Variants in PLXNA4 observed in about 807,000 individuals in gnomAD.
PLXNA4 encodes the protein plexin-A4.
In PLXNA4, 44 loss-of-function variants were observed where a neutral mutation model predicts 191.8. That is an observed-to-expected ratio of 0.23 (90% CI 0.18 to 0.29). PLXNA4 has a LOEUF of 0.29. Ranked by LOEUF, PLXNA4 falls within the 10% of genes least tolerant of loss-of-function variation. The probability of loss-of-function intolerance (pLI) is 1.00; values close to 1 mark genes in which losing one functional copy is unlikely to be tolerated. For missense variants in PLXNA4, 1,800 were observed against 2,488.8 expected (o/e 0.72, Z 5.89); for synonymous variants, 1,082 against 1,009.5 (o/e 1.07, Z -1.36).
At chr7:132,625,582 C>A (rs995271489) in intron 2 of PLXNA4, among the ~76,000 whole-genome samples, 12 of 152,144 alleles carry the variant, frequency 7.9e-5, no homozygotes, top group African/African-American at 2.9e-4. Flanking sequence ...GTGTGGAGTC[C>A]TAGGCAGTTA....
chr7:132,562,956 T>TCCCTCCTCCTCTCCCTCCTCCTCC (rs1801334296), intron 1 of PLXNA4, among the ~76,000 whole-genome samples: 1 of 11,610 alleles, frequency 8.6e-5, no homozygotes, highest in Admixed American at 1.0e-3. Context: ...CCTCCTCCTC[T>TCCCTCCTCCTCTCCCTCCTCCTCC]CCCTCCTCCT....
intron 2 of PLXNA4, among the ~76,000 whole-genome samples, chr7:132,490,884 C>T (rs569134355): frequency 6.6e-6 from 1 of 152,244 alleles, no homozygotes; most frequent in East Asian, 1.9e-4. Flanking sequence ...ACTGTATTTC[C>T]AGTGGAATCT....
chr7:132,512,778 C>A (rs1254931106), intron 1 of PLXNA4, among the ~76,000 whole-genome samples: 3 of 152,184 alleles, frequency 2.0e-5, no homozygotes, highest in Non-Finnish European at 4.4e-5. Context: ...GGGGGTTTCC[C>A]TTCCAGGATG....
intron 3 of PLXNA4, among the ~76,000 whole-genome samples, chr7:132,357,928 T>C (rs1046524890): frequency 2.0e-5 from 3 of 152,192 alleles, no homozygotes; most frequent in Non-Finnish European, 2.9e-5. Flanking sequence ...TAGGCCAAAG[T>C]CAGCGAAAGG....
At chr7:132,563,350 T>TCTCCTCCTTCTCCTC (rs1801443319) in intron 1 of PLXNA4, among the ~76,000 whole-genome samples, 2 of 16,312 alleles carry the variant, frequency 1.2e-4, no homozygotes, top group Non-Finnish European at 2.3e-4. Context: ...TCCTCCTCTT[T>TCTCCTCCTTCTCCTC]CTCCTCCTTC....
At chr7:132,414,469 G>A (rs1794582755) in intron 3 of PLXNA4, among the ~76,000 whole-genome samples, 1 of 152,196 alleles carries the variant, frequency 6.6e-6, no homozygotes, top group Non-Finnish European at 1.5e-5. Context: ...AGAGACTGCG[G>A]TAAACCTAAC....
intron 9 of PLXNA4, among the ~76,000 whole-genome samples, chr7:132,212,040 G>A (rs1797819233): frequency 6.6e-6 from 1 of 152,170 alleles, no homozygotes; most frequent in Non-Finnish European, 1.5e-5. Context: ...GCTGATGGAT[G>A]TGGGCAGGCG....
At chr7:132,288,572 C>T (rs976492291) in intron 4 of PLXNA4, among the ~76,000 whole-genome samples, 17 of 152,174 alleles carry the variant, frequency 1.1e-4, no homozygotes, top group African/African-American at 4.1e-4. Flanking sequence ...TTCAAGTTTG[C>T]TCTCCCAGGA....
intron 1 of PLXNA4, among the ~76,000 whole-genome samples, chr7:132,532,135 CAT>C (rs1203845637): frequency 6.6e-6 from 1 of 152,210 alleles, no homozygotes; most frequent in African/African-American, 2.4e-5. Context: ...AGGTTGAAGA[CAT>C]AAAAGACGTT....
intron 13 of PLXNA4, among the ~76,000 whole-genome samples, chr7:132,196,675 A>C (rs913129785): frequency 6.6e-6 from 1 of 152,234 alleles, no homozygotes; most frequent in African/African-American, 2.4e-5. Flanking sequence ...CTTCTAACCC[A>C]CATTTCCAAA....
rs527545652 is a variant in PLXNA4, at chr7:132,448,943, C to A, written c.1371+40349G>T. Among the ~76,000 whole-genome samples, 45 of 152,252 alleles carry A rather than the reference C, an allele frequency of 3.0e-4. No individual in the cohort carries two copies. In the South Asian group the frequency reaches 7.7e-3, roughly 26 times the overall value. On this transcript the variant is annotated intron_variant, in intron 3 of 31. Transcript: ENST00000321063. ...ATTGTACCTTTCATTTCTTATATAA[C>A]CATGGTTGTACCTGGTAAGATATTA...
intron 25 of PLXNA4, among the ~76,000 whole-genome samples, chr7:132,155,550 G>A (rs1040113323): frequency 6.6e-6 from 1 of 152,304 alleles, no homozygotes; most frequent in East Asian, 1.9e-4. Flanking sequence ...GATGCAAACA[G>A]GTACCTACCC....
chr7:132,350,660 A>C (rs145513016), intron 3 of PLXNA4, among the ~76,000 whole-genome samples: 1 of 152,216 alleles, frequency 6.6e-6, no homozygotes, highest in South Asian at 2.1e-4. Flanking sequence ...GAGGGTGTGC[A>C]GCAATTGGAA....
intron 20 of PLXNA4, among the ~76,000 whole-genome samples, chr7:132,176,567 AGTGT>A (rs1244535456): frequency 2.0e-5 from 3 of 151,258 alleles, no homozygotes; most frequent in Admixed American, 6.6e-5. Flanking sequence ...CATGTCAGGG[AGTGT>A]GTGAGTATGA....
chr7:132,154,791 G>C (rs1245562579), intron 25 of PLXNA4, among the ~76,000 whole-genome samples: 2 of 152,206 alleles, frequency 1.3e-5, no homozygotes, highest in Non-Finnish European at 2.9e-5. Flanking sequence ...AAAATTGCTA[G>C]CTCTGACCTC....
chr7:132,393,322 T>C (rs1793599637), intron 3 of PLXNA4, among the ~76,000 whole-genome samples: 1 of 151,064 alleles, frequency 6.6e-6, no homozygotes, highest in African/African-American at 2.4e-5. Flanking sequence ...CATCTGATTA[T>C]CAGCCCAGCA....
rs762297961 is a variant in PLXNA4, at chr7:132,145,213, G to C, written c.5131C>G (p.Leu1711Val). The stretch of plus-strand genomic sequence containing the variant: ...AAGTCAAACATGTACTTGATGGCCA[G>C]GGGCAGGGCAGAGCCACGGTGTGCC... Reference protein sequence around the residue: ...STAHRGSALPLAIKYMFDFLD... With the variant: ...STAHRGSALPVAIKYMFDFLD... The change falls in exon 29 of 32, where the codon CTG becomes GTG. Residue 1711 changes from leucine (L) to valine (V), a missense_variant. Physicochemically the swap from Leu to Val is conservative, Grantham distance 32. This residue lies in a region of PLXNA4 where 101 missense variants were observed against 182.8 expected (regional missense o/e 0.55). Coordinates refer to ENST00000321063, the MANE Select transcript of PLXNA4 (RefSeq NM_020911.2). The C allele has an allele frequency of 4.3e-6, 7 of 1,614,254 alleles. No homozygotes were observed. Among genetic ancestry groups the C allele is most frequent in the Non-Finnish European group, 5.9e-6 (7 of 1,180,046 alleles).
chr7:132,598,808 T>C lies in PLXNA4; in HGVS notation c.-87+47120A>G, dbSNP rs139214435. On this transcript the variant is annotated intron_variant, in intron 2 of 4. Coordinates refer to the PLXNA4 transcript ENST00000378539. ...ATATGATTATGGTAAATAAAATACT[T>C]TTCTCCTTATATTTTGTGCTTTTAA... Among the ~76,000 whole-genome samples the C allele has an allele frequency of 2.8e-4, 43 of 152,288 alleles. 1 individual carries two copies. In the East Asian group the frequency reaches 7.7e-3, roughly 27 times the overall value.
intron 1 of PLXNA4, among the ~76,000 whole-genome samples, chr7:132,562,956 T>TCCCTCCTCCTCC (rs1563175094): frequency 1.7e-4 from 2 of 11,606 alleles, no homozygotes; most frequent in Admixed American, 1.0e-3. Flanking sequence ...CCTCCTCCTC[T>TCCCTCCTCCTCC]CCCTCCTCCT....
Sources: allele counts gnomAD v4.1 joint callset (sites outside exome capture counted in the v4.1 genomes callset), GRCh38; gene constraint gnomAD v4.1.1; regional missense constraint gnomAD v4.1.1; transcripts MANE v1.5; gene names NCBI Gene and HGNC (gene_info 2026-07-23, HGNC 2026-07-21).